TEX9: variants seen among roughly 807,000 people sequenced by gnomAD.
TEX9 encodes the protein testis expressed 9.
Under a neutral mutation model 59.6 loss-of-function variants are expected in TEX9, and 74 were observed. The ratio of observed to expected loss-of-function variants is 1.24; its 90% confidence interval spans 1.03 to 1.51. TEX9 has a LOEUF of 1.51. Ranked by LOEUF, TEX9 falls within the 40% of genes most tolerant of loss-of-function variation. TEX9 has a pLI of 0.00. For synonymous variants in TEX9, 186 were observed against 152.2 expected, an observed-to-expected ratio of 1.22 and a Z score of -1.64; for missense variants, 522 against 447.8, an observed-to-expected ratio of 1.17 and a Z score of -1.49.
intron 1 of TEX9, among the ~76,000 whole-genome samples, chr15:56,261,627 G>A (rs1281764772): frequency 6.6e-6 from 1 of 151,954 alleles, no homozygotes; most frequent in East Asian, 1.9e-4. Context: ...TGAGGCATGG[G>A]AATCACTTGA....
In TEX9 at chr15:56,443,532, T is replaced by G. The variant is rs757364352; in HGVS notation, c.*30-2139T>G. 1.9e-6 allele frequency: 3 copies of G among 1,588,406 alleles called. No individual in the cohort carries two copies. The South Asian group carries it at 3.5e-5, about 19-fold the overall frequency. On this transcript the variant is annotated intron_variant, in intron 12 of 12. Coordinates refer to ENST00000352903, the Ensembl canonical transcript of TEX9. ...GCCGCAGCATTTCTTCTAATTTCTGTGTCAACTATTAAATTTTTTAAAAAA... is the reference window on the plus strand; with the variant it reads ...GCCGCAGCATTTCTTCTAATTTCTGGGTCAACTATTAAATTTTTTAAAAAA...
At chr15:56,346,852 C>T (rs2046480659) in intron 1 of TEX9, among the ~76,000 whole-genome samples, 1 of 152,152 alleles carries the variant, frequency 6.6e-6, no homozygotes, top group African/African-American at 2.4e-5. Context: ...TACCGGAAAT[C>T]TCCATCTAAT....
chr15:56,271,143 G>A (rs534159928), intron 1 of TEX9, among the ~76,000 whole-genome samples: 1 of 152,064 alleles, frequency 6.6e-6, no homozygotes, highest in Non-Finnish European at 1.5e-5. Flanking sequence ...GAGTATCTTT[G>A]TGGTGGTCTC....
At chr15:56,320,034 T>C (rs1443263442) in intron 1 of TEX9, among the ~76,000 whole-genome samples, 1 of 152,194 alleles carries the variant, frequency 6.6e-6, no homozygotes, top group Non-Finnish European at 1.5e-5. Flanking sequence ...TGTCATATTC[T>C]TGTAATTAAC....
intron 1 of TEX9, among the ~76,000 whole-genome samples, chr15:56,288,039 G>T (rs1294735810): frequency 6.6e-6 from 1 of 152,152 alleles, no homozygotes; most frequent in African/African-American, 2.4e-5. Context: ...TATATACGCA[G>T]TAGTGAGATT....
chr15:56,414,726 A>G (rs2049584919), intron 10 of TEX9, among the ~76,000 whole-genome samples: 1 of 151,854 alleles, frequency 6.6e-6, no homozygotes, highest in Non-Finnish European at 1.5e-5. Flanking sequence ...TCTTTATGGT[A>G]GAATGATTTA....
chr15:56,427,726 TA>T lies in TEX9; in HGVS notation c.1090del (p.Arg364GlyfsTer20). 3.4e-6 allele frequency: 5 copies of T among 1,490,300 alleles called. No homozygotes were observed. Among genetic ancestry groups the T allele is most frequent in the Admixed American group, 2.5e-5 (1 of 40,384 alleles). 92.3% of individuals were successfully genotyped at this position (1,490,300 alleles called of 1,614,324 possible). ...AAACAGTTAAAATTAATTGATGTTT[TA>T]AAAAGGCAAAAGGTGAGTCTATCAT... On this transcript the variant is annotated frameshift_variant, in exon 11 of 13. Transcript: ENST00000352903. LOFTEE classifies it high-confidence loss of function.
chr15:56,430,089 A>G (rs1296175626), intron 12 of TEX9: 1 of 152,266 alleles, frequency 6.6e-6, no homozygotes, highest in African/African-American at 2.4e-5. Flanking sequence ...CAGAGTGAAT[A>G]TAATAAAATA....
chr15:56,339,490 T>C (rs2046333482), intron 1 of TEX9, among the ~76,000 whole-genome samples: 1 of 150,514 alleles, frequency 6.6e-6, no homozygotes, highest in South Asian at 2.1e-4. Flanking sequence ...CAACTGTTTA[T>C]ACTCTTCCTG....
At chr15:56,350,719 C>A (rs2046561913) in intron 1 of TEX9, among the ~76,000 whole-genome samples, 1 of 152,042 alleles carries the variant, frequency 6.6e-6, no homozygotes, top group Admixed American at 6.6e-5. Flanking sequence ...TTTCGCTAGG[C>A]CTTGAGCTTG....
intron 1 of TEX9, among the ~76,000 whole-genome samples, chr15:56,283,700 G>T (rs764357923): frequency 6.6e-5 from 10 of 151,712 alleles, no homozygotes; most frequent in Non-Finnish European, 1.5e-4. Flanking sequence ...CAGCCAAAAA[G>T]TAATGAAAAA....
In TEX9 at chr15:56,432,901, C is replaced by T. The variant is rs993309762; in HGVS notation, c.*29+4428C>T. The stretch of plus-strand genomic sequence containing the variant: ...GTCTCACTTAGTCTTCCTCTAAATT[C>T]TTCTCTTCCTACCGATTTTCAAAAC... On this transcript the variant is annotated intron_variant, in intron 12 of 12. Transcript: ENST00000352903. Among the ~76,000 whole-genome samples, 29 of 152,162 alleles carry T rather than the reference C, an allele frequency of 1.9e-4. 1 individual carries two copies. The highest frequency in any genetic ancestry group is 3.9e-4 in the Admixed American group (6 of 15,258).
At chr15:56,391,750 A>C (rs113365212) in intron 7 of TEX9, among the ~76,000 whole-genome samples, 1 of 152,152 alleles carries the variant, frequency 6.6e-6, no homozygotes, top group Non-Finnish European at 1.5e-5. Flanking sequence ...AACTTAAGTT[A>C]AAATACCCAT....
chr15:56,316,462 G>T (rs1300798992), intron 1 of TEX9, among the ~76,000 whole-genome samples: 1 of 149,396 alleles, frequency 6.7e-6, no homozygotes, highest in Non-Finnish European at 1.5e-5. Flanking sequence ...TAGGCTGCTC[G>T]GGGGTCAGGG....
chr15:56,270,916 A>G (rs1431935044), intron 1 of TEX9, among the ~76,000 whole-genome samples: 1 of 152,158 alleles, frequency 6.6e-6, no homozygotes, highest in Non-Finnish European at 1.5e-5. Context: ...CTGGATATGA[A>G]ATTCTGGGTT....
At chr15:56,455,965 A>G in the TEX9 span, among the ~76,000 whole-genome samples, 1 of 152,056 alleles carries the variant, frequency 6.6e-6, no homozygotes, top group Non-Finnish European at 1.5e-5. Context: ...AATGGGGGGG[A>G]AGATAATTTA....
At chr15:56,391,105 A>G in intron 6 of TEX9, 138 bp from the exon 7 acceptor site, 1 of 449,662 alleles carries the variant, frequency 2.2e-6, no homozygotes, top group Non-Finnish European at 3.7e-6. Context: ...AATATCAATT[A>G]CAGATTTCAT....
chr15:56,365,400 C>G, upstream of TEX9: 2 of 1,592,074 alleles, frequency 1.3e-6, no homozygotes, highest in Non-Finnish European at 1.7e-6. Flanking sequence ...TGTGGAAACT[C>G]TCGCGGGAAG....
chr15:56,435,598 C>T (rs2050709440), intron 12 of TEX9, among the ~76,000 whole-genome samples: 1 of 151,934 alleles, frequency 6.6e-6, no homozygotes, highest in African/African-American at 2.4e-5. Context: ...CCTTGAGAAA[C>T]ACAAGCTACC....
Sources: allele counts gnomAD v4.1 joint callset (sites outside exome capture counted in the v4.1 genomes callset), GRCh38; gene constraint gnomAD v4.1.1; transcripts MANE v1.5; gene names NCBI Gene and HGNC (gene_info 2026-07-23, HGNC 2026-07-21).